Variants in KCNK2 observed in about 807,000 individuals in gnomAD.
KCNK2 encodes potassium two pore domain channel subfamily K member 2, also known as potassium channel subfamily K member 2.
Under a neutral mutation model 40.5 loss-of-function variants are expected in KCNK2, and 21 were observed. That is an observed-to-expected ratio of 0.52 (90% CI 0.37 to 0.75). The LOEUF (loss-of-function observed/expected upper bound fraction) is 0.75, where lower values mean the gene tolerates loss of function less well. Ranked by LOEUF, KCNK2 falls within the 30% of genes least tolerant of loss-of-function variation. KCNK2 has a pLI of 0.00. For synonymous variants in KCNK2, 191 were observed against 202.2 expected (o/e 0.94, Z 0.47); for missense variants, 399 against 531.6 (o/e 0.75, Z 2.45).
chr1:215,231,956 C>G (rs1231421769), intron 6 of KCNK2, among the ~76,000 whole-genome samples: 1 of 152,100 alleles, frequency 6.6e-6, no homozygotes, highest in African/African-American at 2.4e-5. Flanking sequence ...GGGAAAGACC[C>G]ACCCCAGTGA....
intron 3 of KCNK2, among the ~76,000 whole-genome samples, chr1:215,158,770 CT>C (rs1376517196): frequency 1.3e-5 from 2 of 152,094 alleles, no homozygotes; most frequent in African/African-American, 4.8e-5. Context: ...ACTCAGACGC[CT>C]GCCCTACCCC....
intron 1 of KCNK2, among the ~76,000 whole-genome samples, chr1:215,018,682 A>C (rs535160744): frequency 1.3e-5 from 2 of 152,302 alleles, no homozygotes; most frequent in South Asian, 4.1e-4. Context: ...GTGAGTGGAC[A>C]GGAGAGGGGG....
chr1:215,008,445 T>A (rs1656263161), intron 1 of KCNK2, among the ~76,000 whole-genome samples: 2 of 152,028 alleles, frequency 1.3e-5, no homozygotes. Flanking sequence ...AAAACAAGTA[T>A]TTTCAGTCAG....
chr1:215,198,127 T>C (rs1664942607), intron 6 of KCNK2, among the ~76,000 whole-genome samples: 1 of 152,206 alleles, frequency 6.6e-6, no homozygotes, highest in South Asian at 2.1e-4. Context: ...TAGTTAAACA[T>C]TGCAGGGTTT....
At chr1:215,072,940 C>CTTAA (rs1658806278) in intron 1 of KCNK2, among the ~76,000 whole-genome samples, 1 of 152,024 alleles carries the variant, frequency 6.6e-6, no homozygotes, top group Non-Finnish European at 1.5e-5. Context: ...AGAATGTGAC[C>CTTAA]TTATTATGAA....
intron 4 of KCNK2, among the ~76,000 whole-genome samples, chr1:215,169,933 A>C (rs933232505): frequency 6.6e-6 from 1 of 152,180 alleles, no homozygotes; most frequent in Non-Finnish European, 1.5e-5. Context: ...GGCTTGAGCC[A>C]CCGTGCCCAG....
intron 1 of KCNK2, among the ~76,000 whole-genome samples, chr1:215,040,456 G>A (rs1422786736): frequency 6.6e-6 from 1 of 152,102 alleles, no homozygotes; most frequent in African/African-American, 2.4e-5. Context: ...CACCAGATGT[G>A]GCTCAGCTTC....
chr1:215,039,221 G>C (rs1202761415), intron 1 of KCNK2, among the ~76,000 whole-genome samples: 1 of 151,916 alleles, frequency 6.6e-6, no homozygotes, highest in East Asian at 1.9e-4. Context: ...TGTCCTGATT[G>C]GTCTTTAACC....
chr1:215,053,733 G>A (rs1242398790), intron 1 of KCNK2, among the ~76,000 whole-genome samples: 7 of 152,152 alleles, frequency 4.6e-5, no homozygotes, highest in South Asian at 2.1e-4. Flanking sequence ...ATCCCTGGCC[G>A]AGGCAGGCAG....
intron 1 of KCNK2, among the ~76,000 whole-genome samples, chr1:215,011,788 A>G (rs1414828106): frequency 6.6e-6 from 1 of 151,610 alleles, no homozygotes; most frequent in East Asian, 2.0e-4. Context: ...TTGTATTTTT[A>G]GTAGAGACGG....
At chr1:215,120,435 T>C (rs1407263439) in intron 2 of KCNK2, among the ~76,000 whole-genome samples, 1 of 152,186 alleles carries the variant, frequency 6.6e-6, no homozygotes, top group Non-Finnish European at 1.5e-5. Context: ...CTAAATATTT[T>C]TGAATAAATG....
At chr1:215,029,573 T>C (rs1262656142) in intron 1 of KCNK2, among the ~76,000 whole-genome samples, 1 of 146,998 alleles carries the variant, frequency 6.8e-6, no homozygotes, top group Non-Finnish European at 1.5e-5. Context: ...ATATATTTAA[T>C]ATATAAATAT....
chr1:215,185,740 A>T (rs1177626448), intron 5 of KCNK2, among the ~76,000 whole-genome samples: 1 of 152,250 alleles, frequency 6.6e-6, no homozygotes, highest in South Asian at 2.1e-4. Flanking sequence ...TCATCTTTCT[A>T]TTGGGCTATA....
chr1:215,095,800 G>A (rs1256209568), intron 2 of KCNK2, among the ~76,000 whole-genome samples: 1 of 152,054 alleles, frequency 6.6e-6, no homozygotes, highest in Non-Finnish European at 1.5e-5. Flanking sequence ...TGTGCTCTGT[G>A]CTGTACTAGC....
intron 1 of KCNK2, among the ~76,000 whole-genome samples, chr1:215,056,978 T>C (rs1658191469): frequency 6.6e-6 from 1 of 152,266 alleles, no homozygotes; most frequent in African/African-American, 2.4e-5. Context: ...CTAAAATGTT[T>C]ATTTAAGAAC....
At position 215,234,963 on chromosome 1, in the gene KCNK2, G is replaced by A; in HGVS notation, c.1099G>A (p.Ala367Thr). ...CACCTCCATCAAGCGGAAGCTCTCG[G>A]CAGAACTGGCTGGAAACCACAATCA... Reference protein sequence around the residue: ...RATSIKRKLSAELAGNHNQEL... With the variant: ...RATSIKRKLSTELAGNHNQEL... Residue 367 changes from alanine (A) to threonine (T), a missense_variant, in exon 7 of 7, where the codon GCA (alanine) becomes ACA (threonine). This residue lies in a region of KCNK2 where 103 missense variants were observed against 124.3 expected (regional missense o/e 0.83). Coordinates refer to ENST00000444842, the MANE Select transcript of KCNK2 (RefSeq NM_001017425.3). The A allele has an allele frequency of 6.2e-7, 1 of 1,614,016 alleles. No homozygotes were observed. The highest frequency in any genetic ancestry group is 8.5e-7 in the Non-Finnish European group (1 of 1,179,998).
chr1:215,064,879 T>G (rs1487127084), intron 1 of KCNK2, among the ~76,000 whole-genome samples: 6 of 152,216 alleles, frequency 3.9e-5, no homozygotes, highest in Non-Finnish European at 7.3e-5. Flanking sequence ...CCTCCCAATT[T>G]CTTGCCCTTA....
intron 3 of KCNK2, among the ~76,000 whole-genome samples, chr1:215,134,246 C>G (rs1661801277): frequency 6.6e-6 from 1 of 152,152 alleles, no homozygotes; most frequent in Admixed American, 6.5e-5. Context: ...CTGACACTGT[C>G]TACCTGGAAT....
intron 6 of KCNK2, among the ~76,000 whole-genome samples, chr1:215,233,876 A>T (rs1307691460): frequency 6.6e-6 from 1 of 152,250 alleles, no homozygotes; most frequent in Non-Finnish European, 1.5e-5. Context: ...CTGTTTTAGG[A>T]CACAAACATA....
Sources: allele counts gnomAD v4.1 joint callset (sites outside exome capture counted in the v4.1 genomes callset), GRCh38; gene constraint gnomAD v4.1.1; regional missense constraint gnomAD v4.1.1; transcripts MANE v1.5; gene names NCBI Gene and HGNC (gene_info 2026-07-23, HGNC 2026-07-21).